Variants in DPY19L2 observed in about 807,000 individuals in gnomAD.
The protein encoded by DPY19L2 is dpy-19 like 2.
A neutral mutation model predicts 97.9 loss-of-function variants in DPY19L2; 34 were observed. The observed-to-expected ratio is 0.35, with a 90% confidence interval of 0.26 to 0.46. The LOEUF (loss-of-function observed/expected upper bound fraction) is 0.46. Among genes scored for constraint, DPY19L2 ranks in the 20% least tolerant of loss-of-function variants. The pLI is 1.00. For synonymous variants in DPY19L2, 230 were observed against 307.9 expected (o/e 0.75, Z 2.65); for missense variants, 623 against 911.4 (o/e 0.68, Z 4.07).
At chr12:63,603,125 A>G (rs1422406986) in intron 12 of DPY19L2, among the ~76,000 whole-genome samples, 5 of 152,212 alleles carry the variant, frequency 3.3e-5, no homozygotes, top group Non-Finnish European at 7.3e-5. Flanking sequence ...AAGGATAAGA[A>G]GCAAATTCAT....
chr12:63,651,483 A>C (rs987767511), intron 4 of DPY19L2: 11 of 155,296 alleles, frequency 7.1e-5, no homozygotes, highest in Non-Finnish European at 1.6e-4. Context: ...AAAGGGAGAA[A>C]ATATTTGCAA....
intron 4 of DPY19L2, among the ~76,000 whole-genome samples, chr12:63,650,709 A>G (rs1295521053): frequency 6.6e-6 from 1 of 152,174 alleles, no homozygotes; most frequent in Non-Finnish European, 1.5e-5. Context: ...ACAAATGGAA[A>G]AACATTCTAT....
chr12:63,579,066 C>A (rs540220568), intron 19 of DPY19L2, among the ~76,000 whole-genome samples: 4 of 152,234 alleles, frequency 2.6e-5, no homozygotes, highest in Non-Finnish European at 5.9e-5. Flanking sequence ...TCATCTATGG[C>A]AGACGGAGAG....
At position 63,597,827 on chromosome 12, in the gene DPY19L2, A is replaced by C; in HGVS notation, c.1443T>G (p.Phe481Leu). 6.2e-7 allele frequency: 1 copy of C among 1,609,864 alleles called. No individual in the cohort carries two copies. The highest frequency in any genetic ancestry group is 8.5e-7 in the Non-Finnish European group (1 of 1,178,166). Reference protein sequence around the residue: ...DTLIYTCAPEFDFMEKATPLR... With the variant: ...DTLIYTCAPELDFMEKATPLR... Reference sequence around the variant, plus strand: ...TTCATACCGCTTTTTCCATGAAGTCAAATTCGGGAGCACAGGTATATATTA... The same window carrying C: ...TTCATACCGCTTTTTCCATGAAGTCCAATTCGGGAGCACAGGTATATATTA... Residue 481 changes from phenylalanine to leucine, a missense_variant, in exon 14 of 22, where the codon TTT becomes TTG. By Grantham distance (22) the Phe-to-Leu change is conservative. Around this residue, in one of 6 missense-constraint regions of DPY19L2, gnomAD observed 294 missense variants for 446.2 expected, o/e 0.66. Coordinates refer to ENST00000324472, the MANE Select transcript of DPY19L2 (RefSeq NM_173812.5).
chr12:63,590,856 C>A (rs192817452), intron 16 of DPY19L2: 73 of 272,878 alleles, frequency 2.7e-4, no homozygotes, highest in Non-Finnish European at 3.1e-5. Context: ...TCTGCCCATA[C>A]ACAACAGGCC....
chr12:63,604,799 C>T (rs1885768579), intron 12 of DPY19L2, among the ~76,000 whole-genome samples: 2 of 151,998 alleles, frequency 1.3e-5, no homozygotes, highest in East Asian at 1.9e-4. Context: ...GCTTTAAAAC[C>T]CTTGTCACAT....
At chr12:63,598,487 A>T (rs1436463629) in intron 13 of DPY19L2, among the ~76,000 whole-genome samples, 2 of 152,194 alleles carry the variant, frequency 1.3e-5, no homozygotes, top group Non-Finnish European at 2.9e-5. Context: ...AAAAGTAGAT[A>T]CCAACAACCA....
At chr12:63,562,840 G>T (rs1051356415) in intron 21 of DPY19L2, among the ~76,000 whole-genome samples, 26 of 147,572 alleles carry the variant, frequency 1.8e-4, no homozygotes, top group Non-Finnish European at 3.6e-4. Context: ...CTCTGTCGCC[G>T]AGTGGAGTGC....
chr12:63,613,776 A>C (rs1231751889), intron 11 of DPY19L2, among the ~76,000 whole-genome samples: 1 of 152,080 alleles, frequency 6.6e-6, no homozygotes, highest in Non-Finnish European at 1.5e-5. Context: ...TTTAGAAATA[A>C]AAAAAGAAAT....
intron 6 of DPY19L2, among the ~76,000 whole-genome samples, chr12:63,637,402 A>C (rs1369671236): frequency 6.6e-6 from 1 of 152,120 alleles, no homozygotes; most frequent in Non-Finnish European, 1.5e-5. Context: ...AAAACTCTTT[A>C]AAAAATCAAT....
At chr12:63,609,860 G>A (rs1442035345) in intron 11 of DPY19L2, among the ~76,000 whole-genome samples, 3 of 152,062 alleles carry the variant, frequency 2.0e-5, no homozygotes, top group Non-Finnish European at 4.4e-5. Flanking sequence ...CATTTAGTTG[G>A]TGTAGAAATT....
intron 19 of DPY19L2, among the ~76,000 whole-genome samples, chr12:63,577,004 T>C (rs1304042304): frequency 6.6e-6 from 1 of 152,012 alleles, no homozygotes; most frequent in Non-Finnish European, 1.5e-5. Flanking sequence ...AGAACAAAAC[T>C]GAAGGAATCA....
intron 9 of DPY19L2, chr12:63,619,884 T>C: frequency 2.3e-6 from 1 of 428,964 alleles, no homozygotes; most frequent in African/African-American, 2.1e-5. Flanking sequence ...TAAAAATCTA[T>C]TCTACTCTGT....
At chr12:63,594,807 A>G (rs562948353) in intron 15 of DPY19L2, among the ~76,000 whole-genome samples, 2 of 152,210 alleles carry the variant, frequency 1.3e-5, no homozygotes, top group Admixed American at 1.3e-4. Flanking sequence ...TTTCTCTCAC[A>G]TTGCTGACTC....
intron 4 of DPY19L2, among the ~76,000 whole-genome samples, chr12:63,654,507 C>A (rs942361232): frequency 3.3e-5 from 5 of 151,980 alleles, no homozygotes; most frequent in African/African-American, 1.2e-4. Context: ...ATGTAAGTGG[C>A]CAATTGGTAA....
At chr12:63,604,173 G>T (rs1291382270) in intron 12 of DPY19L2, among the ~76,000 whole-genome samples, 1 of 152,086 alleles carries the variant, frequency 6.6e-6, no homozygotes, top group African/African-American at 2.4e-5. Context: ...CAACCTTCTG[G>T]CTTCCTTACT....
At chr12:63,643,999 CAG>C (rs1355576771) in intron 6 of DPY19L2, among the ~76,000 whole-genome samples, 2 of 152,158 alleles carry the variant, frequency 1.3e-5, no homozygotes, top group African/African-American at 4.8e-5. Flanking sequence ...GACATGCTAG[CAG>C]ATGTAAGTGC....
chr12:63,594,600 C>A (rs544987102), intron 15 of DPY19L2, among the ~76,000 whole-genome samples: 1 of 134,996 alleles, frequency 7.4e-6, no homozygotes, highest in East Asian at 2.0e-4. Flanking sequence ...TGTGTGCGTG[C>A]ACGTGTGTGT....
chr12:63,576,123 G>A (rs1362861084), intron 19 of DPY19L2, among the ~76,000 whole-genome samples: 1 of 151,944 alleles, frequency 6.6e-6, no homozygotes, highest in Non-Finnish European at 1.5e-5. Flanking sequence ...TCTCAGGGAT[G>A]CAAAGATAGT....
Sources: gnomAD v4.1 joint callset for allele counts (sites outside exome capture counted in the v4.1 genomes callset) on GRCh38, gnomAD v4.1.1 for gene constraint, gnomAD v4.1.1 regional missense constraint, MANE v1.5 for transcripts, NCBI Gene and HGNC (gene_info 2026-07-23, HGNC 2026-07-21) for gene names.